The following ITGA8 variants were observed in gnomAD, a reference collection of about 807,000 sequenced individuals.
ITGA8 encodes integrin alpha-8.
In ITGA8, 91 loss-of-function variants were observed where a neutral mutation model predicts 142.3. The ratio of observed to expected loss-of-function variants is 0.64; its 90% CI spans 0.54 to 0.76. The LOEUF is 0.76. ITGA8 is among the 30% of genes least tolerant of loss of function. The pLI, the probability that ITGA8 is intolerant of heterozygous loss-of-function variation, is 0.00. For synonymous variants in ITGA8, 505 were observed against 485.2 expected, an observed-to-expected ratio of 1.04 and a Z score of -0.54; for missense variants, 1,406 against 1,327.7, an observed-to-expected ratio of 1.06 and a Z score of -0.92.
At position 15,613,660 on chromosome 10, in the gene ITGA8, C is replaced by G; in HGVS notation, c.1553G>C (p.Cys518Ser). The G allele has an allele frequency of 6.3e-7, 1 of 1,599,302 alleles. No individual in the cohort carries two copies. The highest frequency in any genetic ancestry group is 8.6e-7 in the Non-Finnish European group (1 of 1,166,694). ...TTTGAGAAGCACCGGACTAACTCAC[C>G]AGGCAGCAGATGTCATAGAGTCTGG... ...QVPDSMTSAA[C>S]FSLRVCASVT... The change falls in exon 15 of 30, where the codon TGC becomes TCC. Residue 518 changes from cysteine to serine, a missense_variant and splice_region_variant. Cys to Ser is a moderately radical substitution (Grantham distance 112). Transcript: ENST00000378076.
chr10:15,645,235 C>T lies in ITGA8; in HGVS notation c.1208-1014G>A, dbSNP rs568657832. 2.0e-5 allele frequency among the ~76,000 whole-genome samples: 3 copies of T among 152,202 alleles called. No homozygotes were observed. In the East Asian group the frequency reaches 5.8e-4, roughly 29 times the overall value. On this transcript the variant is annotated intron_variant, in intron 12 of 29. Coordinates refer to ENST00000378076, the MANE Select transcript of ITGA8 (RefSeq NM_003638.3). Reference sequence around the variant, plus strand: ...TAAGTCACTGCCTTGACTCCCATCCCCTTGTTTACTCTCAGTGAATTTCAC... The same window carrying T: ...TAAGTCACTGCCTTGACTCCCATCCTCTTGTTTACTCTCAGTGAATTTCAC...
At chr10:15,520,071 G>A (rs1833028597) in intron 28 of ITGA8, among the ~76,000 whole-genome samples, 1 of 152,194 alleles carries the variant, frequency 6.6e-6, no homozygotes, top group African/African-American at 2.4e-5. Context: ...AGTGTGCAAA[G>A]TGAATGTTCA....
chr10:15,527,985 G>C (rs1325734959), intron 28 of ITGA8, among the ~76,000 whole-genome samples: 1 of 137,164 alleles, frequency 7.3e-6, no homozygotes, highest in African/African-American at 2.9e-5. Context: ...GCGTGATCTC[G>C]GCTCACTGCA....
intron 2 of ITGA8, among the ~76,000 whole-genome samples, chr10:15,694,680 TATATATATATATATATATATATGTCGAC>T (rs1835016822): frequency 7.8e-6 from 1 of 128,808 alleles, no homozygotes; most frequent in Admixed American, 8.1e-5. Context: ...TTTGTCGACA[TATATATATATATATATATATATGTCGAC>T]ATATGTATTT....
chr10:15,567,341 G>A (rs1378958494), intron 25 of ITGA8, among the ~76,000 whole-genome samples: 1 of 152,054 alleles, frequency 6.6e-6, no homozygotes, highest in Non-Finnish European at 1.5e-5. Flanking sequence ...AATAATTATT[G>A]TACTGGCTTT....
intron 13 of ITGA8, among the ~76,000 whole-genome samples, chr10:15,619,217 C>A (rs1833446060): frequency 1.3e-5 from 2 of 152,272 alleles, no homozygotes; most frequent in South Asian, 4.1e-4. Flanking sequence ...TTCTTAAATG[C>A]ACTGCTTGTT....
chr10:15,652,893 A>G (rs1025896885), intron 11 of ITGA8, among the ~76,000 whole-genome samples: 2 of 152,206 alleles, frequency 1.3e-5, no homozygotes, highest in African/African-American at 2.4e-5. Context: ...GCTGGTAGAC[A>G]GAGCACAGCT....
chr10:15,670,008 C>T lies in ITGA8; in HGVS notation c.847+1595G>A, dbSNP rs558675669. Among the ~76,000 whole-genome samples, 906 of 152,228 alleles carry T rather than the reference C, an allele frequency of 6.0e-3. 9 individuals are homozygous for T. The highest frequency in any genetic ancestry group is 0.021 in the African/African-American group (865 of 41,538). ...CTGCCCGTTCTCAGATCTCAAGCTG[C>T]GTGCTGGGAGAACCACTACTCTCTT... On this transcript the variant is annotated intron_variant, in intron 8 of 29. Transcript: ENST00000378076.
chr10:15,681,074 C>A (rs1231877893), intron 4 of ITGA8, among the ~76,000 whole-genome samples: 3 of 152,066 alleles, frequency 2.0e-5, no homozygotes, highest in Non-Finnish European at 4.4e-5. Context: ...CCATCTCCAC[C>A]TGAATTATGA....
At chr10:15,527,932 T>TTTTC (rs1400076035) in intron 28 of ITGA8, among the ~76,000 whole-genome samples, 1 of 141,710 alleles carries the variant, frequency 7.1e-6, no homozygotes, top group African/African-American at 2.6e-5. Flanking sequence ...TTTTTTTTTT[T>TTTTC]TGAGACAGGT....
chr10:15,539,507 G>A (rs1424830009), intron 27 of ITGA8, among the ~76,000 whole-genome samples: 2 of 152,070 alleles, frequency 1.3e-5, no homozygotes, highest in Non-Finnish European at 2.9e-5. Context: ...CAATACTGCG[G>A]GTCATTATTT....
intron 27 of ITGA8, among the ~76,000 whole-genome samples, chr10:15,535,091 G>A (rs1049375046): frequency 4.6e-5 from 7 of 152,174 alleles, no homozygotes; most frequent in Non-Finnish European, 7.4e-5. Context: ...CAGCGGCTGC[G>A]GTAGGTGTGC....
At chr10:15,689,767 G>A (rs72781819) in intron 2 of ITGA8, among the ~76,000 whole-genome samples, 13,347 of 152,154 alleles carry the variant, frequency 0.088, 798 homozygotes, top group Middle Eastern at 0.18. Flanking sequence ...GACACACAGC[G>A]TGCACCAATC....
chr10:15,657,181 A>T (rs1834200572), intron 10 of ITGA8, among the ~76,000 whole-genome samples: 1 of 152,196 alleles, frequency 6.6e-6, no homozygotes, highest in South Asian at 2.1e-4. Context: ...GAGGAGAGGA[A>T]GTTATAGAAA....
intron 25 of ITGA8, among the ~76,000 whole-genome samples, chr10:15,562,305 C>T (rs1235703866): frequency 2.0e-5 from 3 of 152,174 alleles, no homozygotes; most frequent in South Asian, 2.1e-4. Flanking sequence ...GATGCCCCTG[C>T]GAAGCTGGCG....
intron 25 of ITGA8, among the ~76,000 whole-genome samples, chr10:15,564,901 A>C (rs1339210544): frequency 2.0e-5 from 3 of 152,250 alleles, no homozygotes; most frequent in African/African-American, 7.2e-5. Flanking sequence ...TCCACCATGT[A>C]ATTTTCTTTA....
chr10:15,613,189 AT>A (rs67078967), intron 15 of ITGA8, among the ~76,000 whole-genome samples: 3 of 29,604 alleles, frequency 1.0e-4, no homozygotes, highest in Admixed American at 9.0e-4. Context: ...AAATAAATAA[AT>A]AAATAAATAA....
intron 2 of ITGA8, among the ~76,000 whole-genome samples, chr10:15,696,559 C>G (rs1835055717): frequency 6.6e-6 from 1 of 152,178 alleles, no homozygotes; most frequent in African/African-American, 2.4e-5. Context: ...TTGTCACTTA[C>G]CAATCTGGCT....
intron 13 of ITGA8, among the ~76,000 whole-genome samples, chr10:15,626,755 A>T (rs577306153): frequency 6.6e-6 from 1 of 152,318 alleles, no homozygotes; most frequent in South Asian, 2.1e-4. Flanking sequence ...ACACAGACAT[A>T]TGCACAGAGA....
Sources: gnomAD v4.1 joint callset for allele counts (sites outside exome capture counted in the v4.1 genomes callset) on GRCh38, gnomAD v4.1.1 for gene constraint, MANE v1.5 for transcripts, NCBI Gene and HGNC (gene_info 2026-07-23, HGNC 2026-07-21) for gene names.